Variants in MEIS2 observed in about 807,000 individuals in gnomAD.
MEIS2 encodes Meis homeobox 2.
MEIS2 carries 9 observed loss-of-function variants against 58.6 expected under a neutral mutation model. That is an observed-to-expected ratio of 0.15 (90% CI 0.09 to 0.27). The LOEUF (loss-of-function observed/expected upper bound fraction) is 0.27, where lower values mean the gene tolerates loss of function less well. Ranked by LOEUF, MEIS2 falls within the 10% of genes least tolerant of loss-of-function variation. MEIS2 has a pLI of 1.00. For synonymous variants in MEIS2, 221 were observed against 228.4 expected (o/e 0.97, Z 0.29); for missense variants, 427 against 635.0 (o/e 0.67, Z 3.52).
chr15:36,896,504 TAAA>T, intron 10 of MEIS2, 121 bp downstream of exon 10: 1 of 597,086 alleles, frequency 1.7e-6, no homozygotes, highest in Non-Finnish European at 2.7e-6. Context: ...CTGGGGACAT[TAAA>T]AAAAAAAATC....
chr15:36,944,657 C>T (rs1198033869), intron 9 of MEIS2, among the ~76,000 whole-genome samples: 3 of 152,078 alleles, frequency 2.0e-5, no homozygotes, highest in Non-Finnish European at 1.5e-5. Context: ...TAAATGCTGA[C>T]AATGAATCTA....
chr15:36,970,328 C>T (rs11633488), intron 8 of MEIS2, among the ~76,000 whole-genome samples: 12,810 of 150,980 alleles, frequency 0.085, 628 homozygotes, highest in East Asian at 0.12. Context: ...GGCGTGAACC[C>T]GGGAGGCGGA....
At chr15:36,980,616 A>G (rs2059901227) in intron 8 of MEIS2, among the ~76,000 whole-genome samples, 1 of 152,140 alleles carries the variant, frequency 6.6e-6, no homozygotes, top group Admixed American at 6.5e-5. Context: ...TCAAGATGAG[A>G]TTTGGGTGGG....
intron 9 of MEIS2, among the ~76,000 whole-genome samples, chr15:36,925,243 G>C (rs981281016): frequency 6.6e-6 from 1 of 152,222 alleles, no homozygotes; most frequent in African/African-American, 2.4e-5. Flanking sequence ...AGCCTTGCTA[G>C]GTGCACTTGA....
At chr15:36,917,681 C>T (rs1160776418) in intron 9 of MEIS2, among the ~76,000 whole-genome samples, 1 of 152,142 alleles carries the variant, frequency 6.6e-6, no homozygotes, top group East Asian at 1.9e-4. Flanking sequence ...AGGGAAACAC[C>T]TGGGTAAAAT....
intron 7 of MEIS2, among the ~76,000 whole-genome samples, chr15:37,041,518 C>G (rs765509585): frequency 6.6e-6 from 1 of 152,162 alleles, no homozygotes; most frequent in Non-Finnish European, 1.5e-5. Context: ...ATGCTCAGAA[C>G]ACAACATTGC....
intron 8 of MEIS2, among the ~76,000 whole-genome samples, chr15:36,968,805 A>G (rs1026153363): frequency 6.6e-6 from 1 of 152,172 alleles, no homozygotes; most frequent in Non-Finnish European, 1.5e-5. Context: ...CATTATAGAA[A>G]CTGGGGGGTA....
chr15:36,967,745 A>G (rs1358041086), intron 8 of MEIS2, among the ~76,000 whole-genome samples: 2 of 152,188 alleles, frequency 1.3e-5, no homozygotes, highest in African/African-American at 4.8e-5. Context: ...TATTGCCACC[A>G]AAACCCCTTC....
At chr15:37,023,589 T>C (rs1440723973) in intron 8 of MEIS2, among the ~76,000 whole-genome samples, 1 of 152,192 alleles carries the variant, frequency 6.6e-6, no homozygotes, top group African/African-American at 2.4e-5. Context: ...ATCTTCCCTC[T>C]CCTCCCCTTG....
At chr15:36,908,140 T>C (rs913744510) in intron 9 of MEIS2, among the ~76,000 whole-genome samples, 10 of 152,164 alleles carry the variant, frequency 6.6e-5, no homozygotes, top group African/African-American at 2.4e-4. Flanking sequence ...CCAAATAAAA[T>C]TTCCTGACTG....
chr15:37,074,274 A>G (rs1891086085), intron 7 of MEIS2, among the ~76,000 whole-genome samples: 1 of 152,060 alleles, frequency 6.6e-6, no homozygotes. Context: ...CACTATCCTC[A>G]GAAAATAAAC....
intron 9 of MEIS2, among the ~76,000 whole-genome samples, chr15:36,914,469 C>T (rs2141276689): frequency 6.6e-6 from 1 of 152,240 alleles, no homozygotes; most frequent in Non-Finnish European, 1.5e-5. Flanking sequence ...TTTGCATTTT[C>T]AAATATGGAC....
At chr15:36,952,166 T>C (rs2058773886) in intron 8 of MEIS2, among the ~76,000 whole-genome samples, 1 of 152,082 alleles carries the variant, frequency 6.6e-6, no homozygotes, top group Non-Finnish European at 1.5e-5. Context: ...GGATTGCTCA[T>C]CACTGACGCC....
At chr15:37,031,874 C>T (rs960316912) in intron 8 of MEIS2, among the ~76,000 whole-genome samples, 8 of 133,058 alleles carry the variant, frequency 6.0e-5, no homozygotes, top group East Asian at 2.3e-4. Flanking sequence ...GGTTTCATTC[C>T]GTTGCTTAGG....
intron 8 of MEIS2, among the ~76,000 whole-genome samples, chr15:36,959,600 G>T (rs979666209): frequency 6.6e-6 from 1 of 152,120 alleles, no homozygotes. Context: ...AAATGAGAAG[G>T]AAGATTTAGG....
intron 8 of MEIS2, among the ~76,000 whole-genome samples, chr15:37,022,181 C>T (rs1595944627): frequency 6.6e-6 from 1 of 151,726 alleles, no homozygotes; most frequent in South Asian, 2.1e-4. Flanking sequence ...CTTTTTTTAA[C>T]ACATATTACT....
At chr15:37,062,514 C>G (rs539713479) in intron 7 of MEIS2, among the ~76,000 whole-genome samples, 1 of 152,168 alleles carries the variant, frequency 6.6e-6, no homozygotes, top group African/African-American at 2.4e-5. Flanking sequence ...ACAAAGAAGA[C>G]GGAAACGTAC....
intron 9 of MEIS2, among the ~76,000 whole-genome samples, chr15:36,931,803 TA>T (rs2057989348): frequency 6.6e-6 from 1 of 152,234 alleles, no homozygotes; most frequent in South Asian, 2.1e-4. Context: ...TACACCCATA[TA>T]AAGTAACATT....
At chr15:36,977,508 C>A (rs1278946664) in intron 8 of MEIS2, among the ~76,000 whole-genome samples, 1 of 152,176 alleles carries the variant, frequency 6.6e-6, no homozygotes, top group Admixed American at 6.5e-5. Flanking sequence ...GTCCAGGGAT[C>A]ATCACCTACT....
Sources: gnomAD v4.1 joint callset for allele counts (sites outside exome capture counted in the v4.1 genomes callset) on GRCh38, gnomAD v4.1.1 for gene constraint, MANE v1.5 for transcripts, NCBI Gene and HGNC (gene_info 2026-07-23, HGNC 2026-07-21) for gene names.